The following FAM135B variants were observed in gnomAD, a reference collection of about 807,000 sequenced individuals.
The protein encoded by FAM135B is family with sequence similarity 135 member B, also known as protein FAM135B.
A neutral mutation model predicts 127.7 loss-of-function variants in FAM135B; 43 were observed. That is an observed-to-expected ratio of 0.34 (90% CI 0.26 to 0.43). The LOEUF is 0.43. Ranked by LOEUF, FAM135B falls within the 20% of genes least tolerant of loss-of-function variation. FAM135B has a pLI of 1.00. For missense variants in FAM135B, 1,558 were observed against 1,725.6 expected, an observed-to-expected ratio of 0.90 and a Z score of 1.72; for synonymous variants, 670 against 665.1, an observed-to-expected ratio of 1.01 and a Z score of -0.11.
At chr8:138,452,383 A>G (rs1836542989) in intron 1 of FAM135B, among the ~76,000 whole-genome samples, 1 of 151,916 alleles carries the variant, frequency 6.6e-6, no homozygotes, top group African/African-American at 2.4e-5. Flanking sequence ...AGCCTCCCAA[A>G]GTGCTGGGAT....
At chr8:138,237,309 C>T (rs889566824) in intron 7 of FAM135B, among the ~76,000 whole-genome samples, 2 of 151,962 alleles carry the variant, frequency 1.3e-5, no homozygotes, top group African/African-American at 2.4e-5. Context: ...TACAGATGCC[C>T]GCCAACACAT....
At chr8:138,489,124 C>T (rs1815105292) in intron 1 of FAM135B, among the ~76,000 whole-genome samples, 1 of 152,158 alleles carries the variant, frequency 6.6e-6, no homozygotes, top group South Asian at 2.1e-4. Flanking sequence ...GTGTATTCCG[C>T]CAAACTCTTT....
intron 1 of FAM135B, among the ~76,000 whole-genome samples, chr8:138,416,612 G>A (rs923249745): frequency 2.0e-5 from 3 of 152,126 alleles, no homozygotes; most frequent in Non-Finnish European, 2.9e-5. Flanking sequence ...ATGTATGTCA[G>A]ATATTCTTCT....
chr8:138,453,242 C>T (rs1836590826), intron 1 of FAM135B, among the ~76,000 whole-genome samples: 1 of 152,030 alleles, frequency 6.6e-6, no homozygotes, highest in Admixed American at 6.6e-5. Context: ...AGCTTTTTTC[C>T]CCGCATTCAG....
intron 2 of FAM135B, among the ~76,000 whole-genome samples, chr8:138,337,420 C>T (rs898910586): frequency 9.9e-5 from 15 of 152,054 alleles, no homozygotes; most frequent in Non-Finnish European, 1.6e-4. Context: ...TCTCAGGATA[C>T]AAAATCAATG....
chr8:138,417,474 A>G (rs1282551581), intron 1 of FAM135B, among the ~76,000 whole-genome samples: 1 of 151,888 alleles, frequency 6.6e-6, no homozygotes, highest in South Asian at 2.1e-4. Flanking sequence ...CTCGCCCACA[A>G]TCTCCCCTGG....
chr8:138,447,810 T>A (rs1390565633), intron 1 of FAM135B, among the ~76,000 whole-genome samples: 16 of 144,264 alleles, frequency 1.1e-4, no homozygotes, highest in South Asian at 2.2e-4. Flanking sequence ...AGTATAATAA[T>A]AAAAAAAAAA....
At position 138,167,970 on chromosome 8, in the gene FAM135B, A is replaced by T. The variant is rs2130901581; in HGVS notation, c.1183T>A (p.Cys395Ser). ...LTSMPPLPAE[C>S]LDIDGDWNTL... is the part of the protein sequence containing the mutation. ...TTCCAATCGCCGTCGATGTCCAGGC[A>T]CTCTGCAGGCAGCGGGGGCATGCTA... Residue 395 changes from cysteine to serine, a missense_variant, in exon 12 of 20, where the codon TGC (cysteine) becomes AGC (serine). By Grantham distance (112) the Cys-to-Ser change is moderately radical. This residue lies in a region of FAM135B where 115 missense variants were observed against 171.1 expected (regional missense o/e 0.67). Transcript: ENST00000395297. 6.2e-7 allele frequency: 1 copy of T among 1,613,684 alleles called. No individual in the cohort carries two copies. Among genetic ancestry groups the T allele is most frequent in the Non-Finnish European group, 8.5e-7 (1 of 1,179,874 alleles).
At chr8:138,339,981 C>A (rs929721953) in intron 2 of FAM135B, among the ~76,000 whole-genome samples, 4 of 152,202 alleles carry the variant, frequency 2.6e-5, no homozygotes, top group African/African-American at 9.7e-5. Flanking sequence ...TTCCTCATAT[C>A]TAATTTGTGA....
intron 1 of FAM135B, among the ~76,000 whole-genome samples, chr8:138,456,528 T>C (rs1337793153): frequency 1.3e-5 from 2 of 152,150 alleles, no homozygotes; most frequent in Non-Finnish European, 2.9e-5. Context: ...CATTATCTAA[T>C]GCTTCAGTGG....
At chr8:138,271,435 GTTTA>G (rs1381676737) in intron 3 of FAM135B, among the ~76,000 whole-genome samples, 1 of 152,138 alleles carries the variant, frequency 6.6e-6, no homozygotes, top group African/African-American at 2.4e-5. Context: ...TATAAAATGT[GTTTA>G]TTCATTCATT....
chr8:138,251,706 CATCTTTGGTGATT>C (rs1231575323), intron 5 of FAM135B, among the ~76,000 whole-genome samples: 128 of 152,286 alleles, frequency 8.4e-4, no homozygotes, highest in African/African-American at 2.9e-3. Flanking sequence ...GACCCAACAG[CATCTTTGGTGATT>C]AAAAGAACAT....
chr8:138,148,862 G>C (rs552160425), intron 13 of FAM135B, 176 bp from the exon 14 acceptor site: 2 of 464,658 alleles, frequency 4.3e-6, no homozygotes, highest in Non-Finnish European at 7.5e-6. Context: ...TTCTGAACAA[G>C]GAGGCAGGAA....
chr8:138,351,644 A>T (rs1829787798), intron 2 of FAM135B, among the ~76,000 whole-genome samples: 1 of 151,860 alleles, frequency 6.6e-6, no homozygotes, highest in Admixed American at 6.6e-5. Context: ...AACCCTAGAA[A>T]ACCAAGACAC....
chr8:138,433,373 T>C (rs1470450145), intron 1 of FAM135B, among the ~76,000 whole-genome samples: 2 of 150,134 alleles, frequency 1.3e-5, no homozygotes, highest in Non-Finnish European at 3.0e-5. Flanking sequence ...AAAACAAAAA[T>C]TAGCCAGATG....
intron 7 of FAM135B, among the ~76,000 whole-genome samples, chr8:138,226,150 CGTGTGTGTGTGT>C (rs72185111): frequency 5.0e-4 from 67 of 133,566 alleles, no homozygotes; most frequent in African/African-American, 1.6e-3. Flanking sequence ...GGGGACCCAC[CGTGTGTGTGTGT>C]GTGTGTGTGT....
chr8:138,470,213 T>C (rs1456654253), intron 1 of FAM135B, among the ~76,000 whole-genome samples: 2 of 151,922 alleles, frequency 1.3e-5, no homozygotes, highest in Non-Finnish European at 2.9e-5. Context: ...TAGAGAAATG[T>C]CTCCTAAACA....
chr8:138,338,571 C>A (rs1440068643), intron 2 of FAM135B, among the ~76,000 whole-genome samples: 1 of 151,390 alleles, frequency 6.6e-6, no homozygotes, highest in East Asian at 1.9e-4. Flanking sequence ...TACCATCTCA[C>A]ACCAGTTAGA....
intron 1 of FAM135B, among the ~76,000 whole-genome samples, chr8:138,435,027 G>A (rs1000185695): frequency 6.6e-6 from 1 of 152,194 alleles, no homozygotes. Context: ...CCACACGCCA[G>A]CCAGGCGCGG....
Sources: gnomAD v4.1 joint callset for allele counts (sites outside exome capture counted in the v4.1 genomes callset) on GRCh38, gnomAD v4.1.1 for gene constraint, gnomAD v4.1.1 regional missense constraint, MANE v1.5 for transcripts, NCBI Gene and HGNC (gene_info 2026-07-23, HGNC 2026-07-21) for gene names.